FMN2: variants seen among roughly 807,000 people sequenced by gnomAD.
FMN2 encodes formin 2, also known as formin-2.
FMN2 carries 51 observed loss-of-function variants against 142.3 expected under a neutral mutation model. The ratio of observed to expected loss-of-function variants is 0.36; its 90% CI spans 0.29 to 0.45. The LOEUF (loss-of-function observed/expected upper bound fraction) is 0.45, where lower values mean the gene tolerates loss of function less well. Among genes scored for constraint, FMN2 ranks in the 20% least tolerant of loss-of-function variants. FMN2 has a pLI of 1.00. For synonymous variants in FMN2, 882 were observed against 869.8 expected, an observed-to-expected ratio of 1.01 and a Z score of -0.25; for missense variants, 1,936 against 2,122.8, an observed-to-expected ratio of 0.91 and a Z score of 1.73.
At chr1:240,289,707 AC>A (rs1669713019) in intron 7 of FMN2, among the ~76,000 whole-genome samples, 1 of 152,090 alleles carries the variant, frequency 6.6e-6, no homozygotes, top group Admixed American at 6.6e-5. Context: ...AAAAGGGATT[AC>A]ACAAATAAAG....
At chr1:240,183,024 C>T (rs1263902406) in intron 3 of FMN2, among the ~76,000 whole-genome samples, 1 of 151,754 alleles carries the variant, frequency 6.6e-6, no homozygotes, top group Non-Finnish European at 1.5e-5. Context: ...TCAAGTGATC[C>T]TTCCACCTCA....
At chr1:240,243,987 C>T (rs905715203) in intron 6 of FMN2, among the ~76,000 whole-genome samples, 2 of 152,214 alleles carry the variant, frequency 1.3e-5, no homozygotes, top group Non-Finnish European at 2.9e-5. Context: ...TTGCATACCT[C>T]TGGATATACC....
At chr1:240,191,199 C>T (rs963944227) in intron 4 of FMN2, among the ~76,000 whole-genome samples, 1 of 152,328 alleles carries the variant, frequency 6.6e-6, no homozygotes, top group East Asian at 1.9e-4. Flanking sequence ...CCTGTTCTCT[C>T]AATCTGAGCA....
At chr1:240,169,145 A>G (rs1664600043) in intron 2 of FMN2, among the ~76,000 whole-genome samples, 1 of 152,198 alleles carries the variant, frequency 6.6e-6, no homozygotes, top group Admixed American at 6.5e-5. Context: ...CGGGATGCAG[A>G]GACTCCATCT....
chr1:240,147,447 A>G (rs1663536166), intron 2 of FMN2, among the ~76,000 whole-genome samples: 1 of 151,904 alleles, frequency 6.6e-6, no homozygotes, highest in Non-Finnish European at 1.5e-5. Flanking sequence ...ATTAGTCTCC[A>G]TGGGTCCACT....
At chr1:240,346,198 A>G (rs977794601) in intron 13 of FMN2, among the ~76,000 whole-genome samples, 1 of 152,118 alleles carries the variant, frequency 6.6e-6, no homozygotes, top group Admixed American at 6.6e-5. Flanking sequence ...ACCAAACTCT[A>G]TATGTACTAT....
intron 3 of FMN2, 132 bp from the exon 4 acceptor site, chr1:240,188,062 CCCAGTTATATAAT>C: frequency 1.5e-6 from 1 of 689,258 alleles, no homozygotes; most frequent in Non-Finnish European, 2.4e-6. Context: ...ATCCTAATAA[CCCAGTTATATAAT>C]TGGAAGAGAG....
intron 15 of FMN2, among the ~76,000 whole-genome samples, chr1:240,413,055 A>C (rs1026578117): frequency 7.7e-6 from 1 of 129,830 alleles, no homozygotes; most frequent in African/African-American, 2.8e-5. Context: ...CCTGGGAGGT[A>C]GAGCTTGCAG....
At chr1:240,105,164 C>T (rs1437596837) in intron 1 of FMN2, among the ~76,000 whole-genome samples, 2 of 137,432 alleles carry the variant, frequency 1.5e-5, no homozygotes, top group African/African-American at 2.8e-5. Flanking sequence ...GCTGGAGTGC[C>T]GTGGCGTGAT....
At chr1:240,342,182 T>C (rs897432969) in intron 13 of FMN2, among the ~76,000 whole-genome samples, 1 of 152,242 alleles carries the variant, frequency 6.6e-6, no homozygotes, top group Non-Finnish European at 1.5e-5. Context: ...AAGCATACTA[T>C]GTCTGCTTAG....
At chr1:240,411,979 T>C (rs1674409938) in intron 15 of FMN2, among the ~76,000 whole-genome samples, 2 of 152,190 alleles carry the variant, frequency 1.3e-5, no homozygotes, top group Middle Eastern at 3.4e-3. Context: ...TATAAACAGA[T>C]AGGAGCAGAA....
chr1:240,232,720 C>CATT (rs923524248), intron 6 of FMN2, among the ~76,000 whole-genome samples: 1 of 152,158 alleles, frequency 6.6e-6, no homozygotes, highest in Non-Finnish European at 1.5e-5. Context: ...CTTAATCCAA[C>CATT]TTAATAAGTC....
At chr1:240,126,736 AG>A (rs1386849981) in intron 2 of FMN2, among the ~76,000 whole-genome samples, 1 of 152,218 alleles carries the variant, frequency 6.6e-6, no homozygotes, top group Admixed American at 6.5e-5. Flanking sequence ...TCTAGAAGCC[AG>A]GCAGTGTTTT....
intron 16 of FMN2, among the ~76,000 whole-genome samples, chr1:240,450,963 A>G (rs34417273): frequency 0.15 from 22,628 of 152,248 alleles, 1,803 homozygotes; most frequent in Non-Finnish European, 0.17. Context: ...ACAGGACAAC[A>G]GAGGTATCCT....
intron 16 of FMN2, among the ~76,000 whole-genome samples, chr1:240,440,159 G>A (rs58624206): frequency 0.026 from 3,972 of 152,202 alleles, 164 homozygotes; most frequent in African/African-American, 0.089. Flanking sequence ...TGGTCCTGTC[G>A]TGGAGGTCCC....
At chr1:240,398,588 T>C (rs867719844) in intron 15 of FMN2, among the ~76,000 whole-genome samples, 3 of 152,222 alleles carry the variant, frequency 2.0e-5, no homozygotes, top group African/African-American at 7.2e-5. Context: ...ATATGAAACA[T>C]TTGACGTTTC....
intron 7 of FMN2, among the ~76,000 whole-genome samples, chr1:240,258,268 A>C (rs1553351269): frequency 6.6e-6 from 1 of 152,154 alleles, no homozygotes; most frequent in Non-Finnish European, 1.5e-5. Context: ...TGACATTATT[A>C]TCTTAGTTCA....
chr1:240,298,782 T>C (rs1670083382), intron 8 of FMN2, among the ~76,000 whole-genome samples: 1 of 152,188 alleles, frequency 6.6e-6, no homozygotes, highest in Non-Finnish European at 1.5e-5. Context: ...TCCACAAAAC[T>C]GGTCCCTGGT....
chr1:240,262,784 CAG>C (rs1252605733), intron 7 of FMN2, among the ~76,000 whole-genome samples: 2 of 118,464 alleles, frequency 1.7e-5, no homozygotes, highest in African/African-American at 3.4e-5. Flanking sequence ...TTTTTTGAGA[CAG>C]AGTCTCACTC....
Sources: allele counts gnomAD v4.1 joint callset (sites outside exome capture counted in the v4.1 genomes callset), GRCh38; gene constraint gnomAD v4.1.1; transcripts MANE v1.5; gene names NCBI Gene and HGNC (gene_info 2026-07-23, HGNC 2026-07-21).